Variants in RALYL observed in about 807,000 individuals in gnomAD.
RALYL encodes the protein RALY RNA binding protein like.
In RALYL, 29 loss-of-function variants were observed where a neutral mutation model predicts 35.1. That is an observed-to-expected ratio of 0.83 (90% confidence interval 0.61 to 1.13). RALYL has a LOEUF of 1.13. Ranked by LOEUF, RALYL falls within the 50% of genes most tolerant of loss-of-function variation. The probability of loss-of-function intolerance (pLI) is 0.00; values close to 1 mark genes in which losing one functional copy is unlikely to be tolerated. For missense variants in RALYL, 359 were observed against 360.4 expected, an observed-to-expected ratio of 1.00 and a Z score of 0.03; for synonymous variants, 120 against 127.6, an observed-to-expected ratio of 0.94 and a Z score of 0.40.
At chr8:84,591,450 C>T (rs1813248613) in intron 2 of RALYL, among the ~76,000 whole-genome samples, 1 of 152,168 alleles carries the variant, frequency 6.6e-6, no homozygotes, top group African/African-American at 2.4e-5. Context: ...CCAGATAGTG[C>T]TTACACACTC....
chr8:84,242,619 T>G (rs546913998), intron 1 of RALYL, among the ~76,000 whole-genome samples: 1 of 152,252 alleles, frequency 6.6e-6, no homozygotes, highest in African/African-American at 2.4e-5. Flanking sequence ...GTTTGTTGGC[T>G]GCATGAATGT....
chr8:84,873,208 C>A, intron 6 of RALYL, 76 bp from the exon 7 acceptor site: 1 of 685,640 alleles, frequency 1.5e-6, no homozygotes, highest in Non-Finnish European at 2.5e-6. Context: ...AATACGGGGT[C>A]CCTGTGAGTT....
chr8:84,462,674 A>G (rs938582931), intron 1 of RALYL, among the ~76,000 whole-genome samples: 2 of 150,522 alleles, frequency 1.3e-5, no homozygotes, highest in African/African-American at 4.9e-5. Context: ...CATTTTGTAA[A>G]ACTTATTTTT....
chr8:84,750,304 C>T (rs765154441), intron 2 of RALYL, among the ~76,000 whole-genome samples: 4 of 152,120 alleles, frequency 2.6e-5, no homozygotes, highest in East Asian at 1.9e-4. Flanking sequence ...CAAAATACAG[C>T]GGTTTTTAAC....
chr8:84,645,103 T>G (rs750207911), intron 2 of RALYL, among the ~76,000 whole-genome samples: 1 of 152,016 alleles, frequency 6.6e-6, no homozygotes, highest in Non-Finnish European at 1.5e-5. Flanking sequence ...TAAGCCAAAT[T>G]GAAATTTTAT....
intron 2 of RALYL, among the ~76,000 whole-genome samples, chr8:84,727,350 A>T (rs141814674): frequency 3.3e-5 from 5 of 152,234 alleles, no homozygotes; most frequent in Middle Eastern, 3.4e-3. Flanking sequence ...TAAACCCTGA[A>T]GGTATGCAAC....
chr8:84,468,031 G>A (rs2051995015), intron 1 of RALYL, among the ~76,000 whole-genome samples: 3 of 146,510 alleles, frequency 2.0e-5, no homozygotes, highest in Non-Finnish European at 3.0e-5. Context: ...TTGAGCCTAT[G>A]TGTGTCTCTG....
chr8:84,531,879 T>C (rs2059298230), intron 2 of RALYL, among the ~76,000 whole-genome samples: 1 of 151,976 alleles, frequency 6.6e-6, no homozygotes, highest in South Asian at 2.1e-4. Flanking sequence ...TGTAGTGCCT[T>C]ACATGCACAA....
chr8:84,520,063 C>G (rs1230516710), intron 1 of RALYL, among the ~76,000 whole-genome samples: 1 of 152,332 alleles, frequency 6.6e-6, no homozygotes, highest in East Asian at 1.9e-4. Context: ...CTTCATTTCT[C>G]AAGATCCTTA....
chr8:84,379,685 A>T (rs1275840086), intron 1 of RALYL, among the ~76,000 whole-genome samples: 1 of 151,866 alleles, frequency 6.6e-6, no homozygotes, highest in Non-Finnish European at 1.5e-5. Flanking sequence ...CAAAAACAAA[A>T]AACTAAAAGA....
At chr8:84,735,370 G>T (rs78713842) in intron 2 of RALYL, among the ~76,000 whole-genome samples, 2,510 of 151,980 alleles carry the variant, frequency 0.017, 79 homozygotes, top group African/African-American at 0.056. Flanking sequence ...AAAAAACAAA[G>T]CAACTTAAAG....
intron 5 of RALYL, among the ~76,000 whole-genome samples, chr8:84,854,794 G>T (rs1836640405): frequency 6.6e-6 from 1 of 152,154 alleles, no homozygotes; most frequent in Non-Finnish European, 1.5e-5. Flanking sequence ...GAAGATTTGG[G>T]GTCTCAGAAA....
At chr8:84,290,412 G>C (rs1001102450) in intron 1 of RALYL, among the ~76,000 whole-genome samples, 6 of 152,058 alleles carry the variant, frequency 3.9e-5, no homozygotes, top group African/African-American at 1.2e-4. Flanking sequence ...TCAGCAAAGG[G>C]AGATAAGGGT....
intron 1 of RALYL, among the ~76,000 whole-genome samples, chr8:84,443,801 T>A (rs753204245): frequency 4.6e-5 from 7 of 152,236 alleles, no homozygotes; most frequent in Non-Finnish European, 8.8e-5. Flanking sequence ...GACGTAGGCA[T>A]GGATATAAAA....
intron 1 of RALYL, among the ~76,000 whole-genome samples, chr8:84,218,722 C>T (rs940197280): frequency 1.3e-5 from 2 of 152,028 alleles, no homozygotes; most frequent in Non-Finnish European, 1.5e-5. Flanking sequence ...CTGAAGCTTA[C>T]CTCAACAGTC....
At chr8:84,703,847 A>G (rs1840652593) in intron 2 of RALYL, among the ~76,000 whole-genome samples, 1 of 152,174 alleles carries the variant, frequency 6.6e-6, no homozygotes, top group Non-Finnish European at 1.5e-5. Flanking sequence ...TTTATAAAGG[A>G]GACATTGCTT....
chr8:84,292,908 C>G (rs1207406827), intron 1 of RALYL, among the ~76,000 whole-genome samples: 3 of 152,086 alleles, frequency 2.0e-5, no homozygotes, highest in Admixed American at 6.6e-5. Context: ...CGTACTTGCC[C>G]TGAATTCTTT....
intron 1 of RALYL, among the ~76,000 whole-genome samples, chr8:84,363,365 T>C (rs1001874742): frequency 1.3e-5 from 2 of 152,170 alleles, no homozygotes; most frequent in African/African-American, 4.8e-5. Flanking sequence ...GAGTTTGGAT[T>C]AACTACCAGT....
chr8:84,311,438 T>C (rs1842795101), intron 1 of RALYL, among the ~76,000 whole-genome samples: 1 of 152,154 alleles, frequency 6.6e-6, no homozygotes, highest in South Asian at 2.1e-4. Flanking sequence ...TTAATAACTT[T>C]TTCTATTCAT....
Sources: allele counts gnomAD v4.1 joint callset (sites outside exome capture counted in the v4.1 genomes callset), GRCh38; gene constraint gnomAD v4.1.1; transcripts MANE v1.5; gene names NCBI Gene and HGNC (gene_info 2026-07-23, HGNC 2026-07-21).